Variants in TLCD4 observed in about 807,000 individuals in gnomAD.
TLCD4 encodes the protein TLC domain containing 4, also known as TLC domain-containing protein 4.
In TLCD4, 7 loss-of-function variants were observed where a neutral mutation model predicts 24.2. The observed-to-expected ratio is 0.29, with a 90% CI of 0.16 to 0.54. The LOEUF (loss-of-function observed/expected upper bound fraction) is 0.54. TLCD4 is among the 20% of genes least tolerant of loss of function. The pLI is 0.95. For synonymous variants in TLCD4, 103 were observed against 106.4 expected, an observed-to-expected ratio of 0.97 and a Z score of 0.20; for missense variants, 259 against 313.9, an observed-to-expected ratio of 0.82 and a Z score of 1.32.
chr1:95,147,632 A>T (rs1182794811), intron 2 of TLCD4, among the ~76,000 whole-genome samples: 1 of 152,168 alleles, frequency 6.6e-6, no homozygotes, highest in Non-Finnish European at 1.5e-5. Flanking sequence ...AAATTTTCTG[A>T]TACCAAACCT....
intron 5 of TLCD4, among the ~76,000 whole-genome samples, chr1:95,165,868 G>A (rs1042780779): frequency 6.6e-6 from 1 of 152,252 alleles, no homozygotes; most frequent in African/African-American, 2.4e-5. Flanking sequence ...CTTGGTTTCT[G>A]TTGTTTGTTT....
chr1:95,169,708 C>T (rs1678142872), intron 5 of TLCD4, among the ~76,000 whole-genome samples: 1 of 151,986 alleles, frequency 6.6e-6, no homozygotes, highest in African/African-American at 2.4e-5. Context: ...AACGGTTTTG[C>T]TGTGTCACCT....
chr1:95,154,899 C>A (rs1677590767), intron 5 of TLCD4, among the ~76,000 whole-genome samples: 1 of 149,372 alleles, frequency 6.7e-6, no homozygotes, highest in East Asian at 2.0e-4. Context: ...CAGTCTATTA[C>A]CTGTTAAAAA....
the TLCD4 span, among the ~76,000 whole-genome samples, chr1:95,103,301 A>G: frequency 5.9e-5 from 9 of 152,130 alleles, no homozygotes. Context: ...TTAGGTAGGC[A>G]GTGAAACTCC....
intron 1 of TLCD4, among the ~76,000 whole-genome samples, chr1:95,134,947 A>G (rs1052605151): frequency 2.6e-5 from 4 of 152,182 alleles, no homozygotes; most frequent in African/African-American, 9.7e-5. Context: ...TTTCTGTCTT[A>G]CAGATGAGGA....
chr1:95,129,650 G>A (rs149709903), intron 1 of TLCD4, among the ~76,000 whole-genome samples: 6 of 152,146 alleles, frequency 3.9e-5, no homozygotes, highest in Non-Finnish European at 5.9e-5. Context: ...GCTGAGACAC[G>A]AGAATAGCTT....
rs1677138272 is a variant in TLCD4, at chr1:95,139,449, C to A, written c.-11-4442C>A. 3.3e-5 allele frequency among the ~76,000 whole-genome samples: 4 copies of A among 120,122 alleles called. No homozygotes were observed. The South Asian group carries it at 7.8e-4, about 23-fold the overall frequency. The allele number at this position is 120,122 out of a possible 152,430, so 78.8% of individuals were successfully genotyped here. ...TATTTTATAAACTTTTTTATTTAAA[C>A]CTTTGATTTTTTTTTTTTTTTTTTT... On this transcript the variant is annotated intron_variant, in intron 1 of 6. Coordinates refer to ENST00000370203, the MANE Select transcript of TLCD4 (RefSeq NM_152487.3).
chr1:95,110,325 T>C, the TLCD4 span, among the ~76,000 whole-genome samples: 1 of 152,046 alleles, frequency 6.6e-6, no homozygotes, highest in Non-Finnish European at 1.5e-5. Flanking sequence ...GCAGGAATCC[T>C]CCAAATTTCC....
At chr1:95,187,344 C>T (rs1300358596) in intron 6 of TLCD4, among the ~76,000 whole-genome samples, 1 of 152,146 alleles carries the variant, frequency 6.6e-6, no homozygotes, top group East Asian at 1.9e-4. Context: ...CTCAGGATCC[C>T]TTCCAGAATG....
intron 1 of TLCD4, among the ~76,000 whole-genome samples, chr1:95,123,468 C>T (rs1676624514): frequency 6.6e-6 from 1 of 152,180 alleles, no homozygotes; most frequent in South Asian, 2.1e-4. Context: ...ACTTTATAGT[C>T]ACAGGCCTCT....
intron 6 of TLCD4, among the ~76,000 whole-genome samples, chr1:95,186,597 T>C (rs900990144): frequency 2.6e-5 from 4 of 152,198 alleles, no homozygotes; most frequent in Non-Finnish European, 4.4e-5. Flanking sequence ...CACTGAGGTA[T>C]AATATTTCTT....
intron 1 of TLCD4, among the ~76,000 whole-genome samples, chr1:95,127,100 G>A (rs568935686): frequency 1.2e-4 from 18 of 152,296 alleles, no homozygotes; most frequent in Middle Eastern, 3.4e-3. Context: ...TAAAGAACCC[G>A]CAGGTCACAG....
chr1:95,182,657 A>G (rs1678687356), intron 6 of TLCD4, among the ~76,000 whole-genome samples: 1 of 152,190 alleles, frequency 6.6e-6, no homozygotes, highest in South Asian at 2.1e-4. Flanking sequence ...AAGTCAGCAC[A>G]ATGAAAAAGG....
upstream of TLCD4, among the ~76,000 whole-genome samples, chr1:95,113,986 A>G (rs1676386015): frequency 6.6e-6 from 1 of 152,212 alleles, no homozygotes; most frequent in Non-Finnish European, 1.5e-5. Flanking sequence ...CCACCCAGAA[A>G]TAACCACTGG....
At chr1:95,135,023 A>C (rs556576542) in intron 1 of TLCD4, among the ~76,000 whole-genome samples, 1 of 152,352 alleles carries the variant, frequency 6.6e-6, no homozygotes, top group Admixed American at 6.5e-5. Flanking sequence ...AAATGGTAGA[A>C]CTGAGACTCA....
rs1010069200 is a variant in TLCD4 at position 95,192,025 on chromosome 1, G to A, written c.*157G>A. 3.3e-5 allele frequency: 47 copies of A among 1,427,366 alleles called. No individual in the cohort carries two copies. The highest frequency in any genetic ancestry group is 4.3e-5 in the African/African-American group (3 of 69,408). 88.4% of individuals were successfully genotyped at this position (1,427,366 alleles called of 1,614,324 possible). A position where few individuals can be genotyped will look rare whatever the true frequency, so the allele number is the denominator to read the frequency against. ...CCTTAGAAAAGAGAAGGCCGGGCAC[G>A]GTGGCTCATGCCTGTAATCCCAGCA... On this transcript the variant is annotated 3_prime_UTR_variant, in exon 7 of 7. Transcript: ENST00000370203.
chr1:95,094,031 A>AT, the TLCD4 span, among the ~76,000 whole-genome samples: 12 of 152,358 alleles, frequency 7.9e-5, no homozygotes, highest in African/African-American at 2.6e-4. Flanking sequence ...AAAAAAATGC[A>AT]TAAAAAATAA....
chr1:95,097,772 C>T, the TLCD4 span, among the ~76,000 whole-genome samples: 1 of 152,152 alleles, frequency 6.6e-6, no homozygotes, highest in Admixed American at 6.6e-5. Flanking sequence ...ATTAGACACA[C>T]CGTAGGGACA....
chr1:95,162,112 C>G (rs1299289120), intron 5 of TLCD4, among the ~76,000 whole-genome samples: 1 of 152,066 alleles, frequency 6.6e-6, no homozygotes, highest in Non-Finnish European at 1.5e-5. Flanking sequence ...TTAAAAGTCT[C>G]CCATTATTAT....
Sources: allele counts gnomAD v4.1 joint callset (sites outside exome capture counted in the v4.1 genomes callset), GRCh38; gene constraint gnomAD v4.1.1; transcripts MANE v1.5; gene names NCBI Gene and HGNC (gene_info 2026-07-23, HGNC 2026-07-21).